LIPH: variants seen among roughly 807,000 people sequenced by gnomAD.
LIPH encodes lipase member H.
A neutral mutation model predicts 47.6 loss-of-function variants in LIPH; 32 were observed. The ratio of observed to expected loss-of-function variants is 0.67; its 90% CI spans 0.51 to 0.90. LIPH has a LOEUF of 0.90. LIPH is among the 40% of genes least tolerant of loss of function. LIPH has a pLI of 0.00. For missense variants in LIPH, 497 were observed against 541.4 expected (o/e 0.92, Z 0.81); for synonymous variants, 190 against 195.6 (o/e 0.97, Z 0.24).
intron 1 of LIPH, among the ~76,000 whole-genome samples, chr3:185,537,300 T>G (rs1225914554): frequency 1.3e-5 from 2 of 149,566 alleles, no homozygotes; most frequent in Non-Finnish European, 3.0e-5. Flanking sequence ...CTCTAGCTCT[T>G]AAAAAAAAAA....
chr3:185,519,307 A>C lies in LIPH; in HGVS notation c.721T>G (p.Phe241Val). Residue 241 changes from phenylalanine (F) to valine (V), a missense_variant and splice_region_variant, in exon 6 of 10, where the codon TTT (phenylalanine) becomes GTT (valine). Phe to Val is a conservative substitution (Grantham distance 50). Transcript: ENST00000296252. ...TGGTGGTCACATTTAAAATACTGAAATCCTTGGTTGTAAAAGAAGTGATGA... is the reference window on the plus strand; with the variant it reads ...TGGTGGTCACATTTAAAATACTGAACTCCTTGGTTGTAAAAGAAGTGATGA... The part of the protein sequence containing the change: ...PGCPKTILGG[F>V]QYFKCDHQRS... 6.2e-7 allele frequency: 1 copy of C among 1,609,978 alleles called. No homozygotes were observed. The highest frequency in any genetic ancestry group is 8.5e-7 in the Non-Finnish European group (1 of 1,176,558).
At chr3:185,516,976 C>G in intron 7 of LIPH, 91 bp downstream of exon 7, 1 of 867,010 alleles carries the variant, frequency 1.2e-6, no homozygotes, top group South Asian at 1.3e-5. Flanking sequence ...CATCATGGCT[C>G]TTATTTGCCA....
rs147782783 is a variant in LIPH, at chr3:185,524,716, T to A, written c.629-556A>T. ...TGCCCGCCTCGGCCTCCCAAAGCGC[T>A]GGTATTACAGGCATGAGCCATTGCG... On this transcript the variant is annotated intron_variant, in intron 4 of 9. Coordinates refer to ENST00000296252, the MANE Select transcript of LIPH (RefSeq NM_139248.3). 2.0e-5 allele frequency among the ~76,000 whole-genome samples: 3 copies of A among 152,298 alleles called. No homozygotes were observed. In the East Asian group the frequency reaches 5.8e-4, roughly 29 times the overall value.
At chr3:185,513,724 T>C (rs1257371474) in intron 8 of LIPH, among the ~76,000 whole-genome samples, 1 of 152,042 alleles carries the variant, frequency 6.6e-6, no homozygotes, top group African/African-American at 2.4e-5. Context: ...ATGCATATAA[T>C]CAAATATTAC....
chr3:185,552,234 C>T (rs1329428174), intron 1 of LIPH, among the ~76,000 whole-genome samples, 189 bp downstream of exon 1: 1 of 147,834 alleles, frequency 6.8e-6, no homozygotes, highest in African/African-American at 2.5e-5. Context: ...GTTCATCTAA[C>T]CTGTATCTTT....
intron 3 of LIPH, among the ~76,000 whole-genome samples, chr3:185,528,323 G>GAAGAAAGA (rs11457702): frequency 0.056 from 7,021 of 125,570 alleles, 372 homozygotes; most frequent in African/African-American, 0.11. Context: ...AAGAAAGAAA[G>GAAGAAAGA]AAGAAAGAAA....
At chr3:185,549,332 A>G (rs1372805931) in intron 1 of LIPH, among the ~76,000 whole-genome samples, 1 of 152,162 alleles carries the variant, frequency 6.6e-6, no homozygotes, top group Non-Finnish European at 1.5e-5. Context: ...ATAAATATGC[A>G]CATTCACACC....
At chr3:185,517,682 T>C (rs909714530) in intron 6 of LIPH, among the ~76,000 whole-genome samples, 2 of 152,116 alleles carry the variant, frequency 1.3e-5, no homozygotes, top group East Asian at 1.9e-4. Flanking sequence ...CCTCTGTCCC[T>C]AGCCCTAGAG....
chr3:185,546,916 A>T, intron 1 of LIPH: 1 of 453,486 alleles, frequency 2.2e-6, no homozygotes, highest in Non-Finnish European at 4.4e-6. Context: ...CATATTTCTG[A>T]CTGGAGAAAA....
At position 185,520,538 on chromosome 3, in the gene LIPH, C is replaced by A. The variant is rs1032523207; in HGVS notation, c.719-1229G>T. 6.6e-5 allele frequency among the ~76,000 whole-genome samples: 10 copies of A among 151,788 alleles called. No individual in the cohort carries two copies. The South Asian group carries it at 8.3e-4, about 13-fold the overall frequency. ...TCCCAAAAAAAAAGAAAAAAAAAAGCAAATTGCAAATCATTAACTAATTCC... is the reference window on the plus strand; with the variant it reads ...TCCCAAAAAAAAAGAAAAAAAAAAGAAAATTGCAAATCATTAACTAATTCC... On this transcript the variant is annotated intron_variant, in intron 5 of 9. Transcript: ENST00000296252.
At chr3:185,549,480 T>A (rs1233298673) in intron 1 of LIPH, among the ~76,000 whole-genome samples, 2 of 152,212 alleles carry the variant, frequency 1.3e-5, no homozygotes, top group African/African-American at 4.8e-5. Flanking sequence ...TGGGAAAATA[T>A]CTATCTAGTT....
At chr3:185,509,892 G>C (rs1465036986) in intron 9 of LIPH, among the ~76,000 whole-genome samples, 1 of 151,390 alleles carries the variant, frequency 6.6e-6, no homozygotes, top group Non-Finnish European at 1.5e-5. Flanking sequence ...CCTCTTAGGA[G>C]AAACTTGTAC....
At chr3:185,529,176 C>CAAAAAAAAAA (rs1173804674) in intron 3 of LIPH, among the ~76,000 whole-genome samples, 4 of 54,364 alleles carry the variant, frequency 7.4e-5, no homozygotes, top group South Asian at 1.0e-3. Context: ...GACTCCGTCT[C>CAAAAAAAAAA]AAAAAAAAAA....
intron 1 of LIPH, among the ~76,000 whole-genome samples, chr3:185,537,841 T>C (rs974935643): frequency 7.2e-5 from 11 of 152,216 alleles, no homozygotes; most frequent in African/African-American, 2.4e-5. Flanking sequence ...AAGGTCTTGC[T>C]CTGTCACCCA....
In LIPH at chr3:185,546,348, G is replaced by A. The variant is rs574900734; in HGVS notation, c.49+6075C>T. Among the ~76,000 whole-genome samples the A allele has an allele frequency of 9.0e-5, 11 of 121,614 alleles. No individual in the cohort carries two copies. The South Asian group carries it at 1.3e-3, about 14-fold the overall frequency. The allele number at this position is 121,614 out of a possible 152,430, so 79.8% of individuals were successfully genotyped here. A position where few individuals can be genotyped will look rare whatever the true frequency, so the allele number is the denominator to read the frequency against. ...AGCCTGGACGACAGAGTAAGACTCC[G>A]TCTCAAAAAAAAAAAAAAAAAAAAT... is the stretch of plus-strand genomic sequence containing the variant. On this transcript the variant is annotated intron_variant, in intron 1 of 9. Coordinates refer to ENST00000296252, the MANE Select transcript of LIPH (RefSeq NM_139248.3).
At chr3:185,514,084 A>G (rs1372175318) in intron 8 of LIPH, among the ~76,000 whole-genome samples, 1 of 152,160 alleles carries the variant, frequency 6.6e-6, no homozygotes, top group Admixed American at 6.6e-5. Flanking sequence ...TAACTTTTGT[A>G]TTACATGTTT....
intron 4 of LIPH, among the ~76,000 whole-genome samples, chr3:185,525,204 C>T (rs1720031253): frequency 1.3e-5 from 2 of 151,558 alleles, no homozygotes; most frequent in Admixed American, 1.3e-4. Context: ...AGAGACAGAC[C>T]CTGTCTTAAA....
At chr3:185,542,852 T>A (rs1348852510) in intron 1 of LIPH, among the ~76,000 whole-genome samples, 1 of 152,090 alleles carries the variant, frequency 6.6e-6, no homozygotes, top group Admixed American at 6.6e-5. Flanking sequence ...TTATCTTAAG[T>A]GAAATAACAC....
Position 185,533,535 on chromosome 3 carries a change from C to G in LIPH, c.526+36G>C, listed in dbSNP as rs769208393. On this transcript the variant is annotated intron_variant, in intron 3 of 9. Transcript: ENST00000296252. ...ATACTCCCCCAGTGAACACCCTGCC[C>G]AGGCTACCAACCCATGCCCATTCAC... 30 of 1,413,544 alleles carry G rather than the reference C, an allele frequency of 2.1e-5. No individual in the cohort carries two copies. The Admixed American group carries it at 2.7e-4, about 13-fold the overall frequency. 87.6% of individuals were successfully genotyped at this position (1,413,544 alleles called of 1,614,324 possible).
Sources: gnomAD v4.1 joint callset for allele counts (sites outside exome capture counted in the v4.1 genomes callset) on GRCh38, gnomAD v4.1.1 for gene constraint, MANE v1.5 for transcripts, NCBI Gene and HGNC (gene_info 2026-07-23, HGNC 2026-07-21) for gene names.